The following CASK variants were observed in gnomAD, a reference collection of about 807,000 sequenced individuals.
The protein encoded by CASK is peripheral plasma membrane protein CASK.
A neutral mutation model predicts 82.9 loss-of-function variants in CASK; 4 were observed. The observed-to-expected ratio is 0.05, with a 90% CI of 0.02 to 0.11. The LOEUF (loss-of-function observed/expected upper bound fraction) is 0.11, where lower values mean the gene tolerates loss of function less well. Ranked by LOEUF, CASK falls within the 10% of genes least tolerant of loss-of-function variation. CASK has a pLI of 1.00. For synonymous variants in CASK, 259 were observed against 253.5 expected, an observed-to-expected ratio of 1.02 and a Z score of -0.20; for missense variants, 358 against 720.9, an observed-to-expected ratio of 0.50 and a Z score of 5.76.
At chrX:41,733,928 G>A (rs2068452746) in intron 5 of CASK, among the ~76,000 whole-genome samples, 1 of 111,230 alleles carries the variant, frequency 9.0e-6, no homozygotes, top group African/African-American at 3.3e-5. Context: ...ACAATGTCAT[G>A]CCAACCAGTG....
intron 2 of CASK, among the ~76,000 whole-genome samples, chrX:41,830,635 T>G (rs191521107): frequency 1.5e-3 from 156 of 106,739 alleles, no homozygotes; most frequent in Non-Finnish European, 2.2e-3. Flanking sequence ...CCTGGCTAAC[T>G]CGGTGAAACC....
Position 41,515,510 on chromosome X carries a change from C to T in CASK, c.*4910G>A, listed in dbSNP as rs916712042. On this transcript the variant is annotated 3_prime_UTR_variant, in exon 27 of 27. Transcript: ENST00000378163. ...CCCCAGAACTGAGTTTGAATGGCGA[C>T]GTGCCTACACTGCAATTAAACACGA... 1.8e-5 allele frequency: 2 copies of T among 112,116 alleles called. No individual in the cohort carries two copies. Among genetic ancestry groups the T allele is most frequent in the Non-Finnish European group, 3.8e-5 (2 of 53,223 alleles). 9.2% of individuals were successfully genotyped at this position (112,116 alleles called of 1,213,427 possible).
rs952629119 is a variant in CASK at position 41,727,133 on chromosome X, C to G, written c.429+12251G>C. 8 of 1,197,397 alleles carry G rather than the reference C, an allele frequency of 6.7e-6. No individual in the cohort carries two copies. The African/African-American group carries it at 1.4e-4, about 21-fold the overall frequency. Reference sequence around the variant, plus strand: ...GTTGGTGTTTTTGGAAACACTCTCTCTCAATGGATATTTTTAACAAAAATA... The same window carrying G: ...GTTGGTGTTTTTGGAAACACTCTCTGTCAATGGATATTTTTAACAAAAATA... On this transcript the variant is annotated intron_variant, in intron 5 of 26. Coordinates refer to ENST00000378163, the MANE Select transcript of CASK (RefSeq NM_001367721.1).
chrX:41,521,964 A>G (rs1208199614), intron 26 of CASK, among the ~76,000 whole-genome samples: 1 of 112,023 alleles, frequency 8.9e-6, no homozygotes, highest in African/African-American at 3.2e-5. Context: ...TTTTACAAGT[A>G]TTAAATCTAA....
At chrX:41,757,473 C>A (rs73472521) in intron 3 of CASK, among the ~76,000 whole-genome samples, 17 of 108,996 alleles carry the variant, frequency 1.6e-4, no homozygotes, top group African/African-American at 5.0e-4. Context: ...ACAATCTGTA[C>A]CTCTCTACGG....
At position 41,731,620 on chromosome X, in the gene CASK, G is replaced by A. The variant is rs2068397885; in HGVS notation, c.429+7764C>T. Among the ~76,000 whole-genome samples the A allele has an allele frequency of 2.7e-5, 3 of 111,800 alleles. No individual in the cohort carries two copies. The South Asian group carries it at 1.1e-3, about 41-fold the overall frequency. ...TCACATTTTAATTTCCTATACTGAA[G>A]AATGAACTATATACTCAGCTCATTA... is the stretch of plus-strand genomic sequence containing the variant. On this transcript the variant is annotated intron_variant, in intron 5 of 26. Transcript: ENST00000378163.
chrX:41,589,777 GC>G, intron 12 of CASK, 185 bp from the exon 13 acceptor site: 1 of 403,665 alleles, frequency 2.5e-6, no homozygotes, highest in South Asian at 4.0e-5. Flanking sequence ...TGAGTCTTAT[GC>G]ATATCTTTTC....
intron 5 of CASK, among the ~76,000 whole-genome samples, chrX:41,686,282 G>T (rs1397675273): frequency 1.8e-5 from 2 of 110,743 alleles, no homozygotes; most frequent in South Asian, 7.7e-4. Flanking sequence ...TAGAGATGGG[G>T]TTTCACCATG....
chrX:41,645,785 T>G (rs1310865781), intron 8 of CASK, among the ~76,000 whole-genome samples: 3 of 106,427 alleles, frequency 2.8e-5, no homozygotes, highest in Non-Finnish European at 4.0e-5. Flanking sequence ...ACACTAGGTT[T>G]TATTTAATGA....
At chrX:41,737,106 G>GAGGCCT (rs1293538169) in intron 5 of CASK, among the ~76,000 whole-genome samples, 3 of 111,942 alleles carry the variant, frequency 2.7e-5, no homozygotes, top group African/African-American at 9.7e-5. Context: ...TTTGCTTCAG[G>GAGGCCT]AGGCCTAGCA....
rs1302394383 is a variant in CASK, at chrX:41,813,467, A to T, written c.173-26184T>A. Among the ~76,000 whole-genome samples the T allele has an allele frequency of 3.6e-5, 4 of 111,372 alleles. No homozygotes were observed. In the East Asian group the frequency reaches 8.4e-4, roughly 23 times the overall value. ...TCTACAACCATCTGATCTTTGACAA[A>T]CCTGACAAAAACAAGAAATAGGGAA... is the stretch of plus-strand genomic sequence containing the variant. On this transcript the variant is annotated intron_variant, in intron 2 of 26. Transcript: ENST00000378163.
intron 3 of CASK, among the ~76,000 whole-genome samples, chrX:41,776,945 C>T (rs1395791555): frequency 8.9e-6 from 1 of 111,853 alleles, no homozygotes; most frequent in African/African-American, 3.2e-5. Context: ...CAACCTCATT[C>T]TAAAATGTAT....
chrX:41,848,835 G>A (rs998844703), intron 2 of CASK, among the ~76,000 whole-genome samples: 1 of 111,781 alleles, frequency 8.9e-6, no homozygotes, highest in African/African-American at 3.3e-5. Context: ...CTGGAAGAAA[G>A]GGGGATGTGA....
chrX:41,693,626 AAAAC>A (rs781393514), intron 5 of CASK, among the ~76,000 whole-genome samples: 42 of 111,886 alleles, frequency 3.8e-4, no homozygotes, highest in South Asian at 7.4e-4. Flanking sequence ...AAAACAAAAC[AAAAC>A]AAACAAACAA....
At chrX:41,853,530 G>C (rs904815767) in intron 1 of CASK, among the ~76,000 whole-genome samples, 1 of 111,774 alleles carries the variant, frequency 8.9e-6, no homozygotes, top group African/African-American at 3.3e-5. Flanking sequence ...AATAATGACT[G>C]TACAATTCTA....
At chrX:41,717,191 C>T (rs2147648450) in intron 5 of CASK, among the ~76,000 whole-genome samples, 1 of 112,093 alleles carries the variant, frequency 8.9e-6, no homozygotes, top group South Asian at 3.7e-4. Flanking sequence ...AAACTCATTG[C>T]ATTAGGAATA....
chrX:41,704,310 G>T (rs2067849274), intron 5 of CASK, among the ~76,000 whole-genome samples: 3 of 111,673 alleles, frequency 2.7e-5, no homozygotes, highest in African/African-American at 9.7e-5. Flanking sequence ...ACTTGCAGAT[G>T]AAATTATCTT....
intron 8 of CASK, among the ~76,000 whole-genome samples, chrX:41,648,314 C>T (rs970142211): frequency 9.0e-5 from 10 of 111,482 alleles, no homozygotes; most frequent in South Asian, 3.8e-4. Context: ...TCTCAAAACC[C>T]TGTCTCCTGA....
At chrX:41,578,792 A>G (rs1379478300) in intron 14 of CASK, among the ~76,000 whole-genome samples, 1 of 111,448 alleles carries the variant, frequency 9.0e-6, no homozygotes, top group Non-Finnish European at 1.9e-5. Flanking sequence ...GGGGCTGACA[A>G]ATTTATTCTA....
Sources: gnomAD v4.1 joint callset for allele counts (sites outside exome capture counted in the v4.1 genomes callset) on GRCh38, gnomAD v4.1.1 for gene constraint, MANE v1.5 for transcripts, NCBI Gene and HGNC (gene_info 2026-07-23, HGNC 2026-07-21) for gene names.